Variants in PBX1 observed in about 807,000 individuals in gnomAD.
PBX1 encodes PBX homeobox 1.
PBX1 carries 6 observed loss-of-function variants against 53.4 expected under a neutral mutation model. The observed-to-expected ratio is 0.11, with a 90% CI of 0.06 to 0.22. The LOEUF (loss-of-function observed/expected upper bound fraction) is 0.22, where lower values mean the gene tolerates loss of function less well. Among genes scored for constraint, PBX1 ranks in the 10% least tolerant of loss-of-function variants. The pLI is 1.00. For missense variants in PBX1, 251 were observed against 551.4 expected (o/e 0.46, Z 5.46); for synonymous variants, 204 against 212.3 (o/e 0.96, Z 0.34).
At position 164,846,619 on chromosome 1, in the gene PBX1, A is replaced by C; in HGVS notation, c.1236A>C (p.Ser412=). Residue 412 remains serine, a synonymous_variant, in exon 9 of 9, where the codon TCA becomes TCC. Coordinates refer to ENST00000420696, the MANE Select transcript of PBX1 (RefSeq NM_002585.4). ...GTTGGCAGGATGCTACTACCCCTTC[A>C]TCAGTGACCTCCCCTACAGAAGGCC... The part of the protein sequence containing the change: ...NGGWQDATTP[S]SVTSPTEGPG... 6.2e-7 allele frequency: 1 copy of C among 1,613,946 alleles called. No homozygotes were observed.
rs1454124002 is a variant in PBX1, at chr1:164,847,125, A to G, written c.*449A>G. ...ACCTCACTCGAATCCCTCACTCCCT[A>G]TGTTAACAGGCAATCCTTCTCTGTT... On this transcript the variant is annotated 3_prime_UTR_variant, in exon 9 of 9. Coordinates refer to ENST00000420696, the MANE Select transcript of PBX1 (RefSeq NM_002585.4). The G allele has an allele frequency of 8.2e-6, 9 of 1,094,202 alleles. No individual in the cohort carries two copies. The highest frequency in any genetic ancestry group is 4.5e-5 in the Admixed American group (1 of 22,312). 67.8% of individuals were successfully genotyped at this position (1,094,202 alleles called of 1,614,324 possible). A position where few individuals can be genotyped will look rare whatever the true frequency, so the allele number is the denominator to read the frequency against.
intron 2 of PBX1, among the ~76,000 whole-genome samples, chr1:164,658,861 T>C (rs975569324): frequency 6.6e-6 from 1 of 152,224 alleles, no homozygotes; most frequent in East Asian, 1.9e-4. Context: ...AGGCTCTTAT[T>C]ATCCCCATTT....
intron 2 of PBX1, among the ~76,000 whole-genome samples, chr1:164,739,555 G>T (rs1033454531): frequency 5.9e-5 from 9 of 152,178 alleles, no homozygotes; most frequent in Non-Finnish European, 1.3e-4. Context: ...TACTTCAAAA[G>T]AAATGAGCAT....
intron 2 of PBX1, among the ~76,000 whole-genome samples, chr1:164,635,007 G>A (rs1250850781): frequency 5.7e-5 from 8 of 141,518 alleles, no homozygotes; most frequent in South Asian, 2.4e-4. Context: ...CTAAGGCTGC[G>A]AATATTCTGT....
chr1:164,702,816 T>C (rs189207060), intron 2 of PBX1, among the ~76,000 whole-genome samples: 45 of 152,286 alleles, frequency 3.0e-4, no homozygotes, highest in African/African-American at 1.0e-3. Flanking sequence ...TTCTTCTCGT[T>C]GACATTGTGT....
chr1:164,754,401 C>G (rs1666394397), intron 2 of PBX1, among the ~76,000 whole-genome samples: 1 of 152,234 alleles, frequency 6.6e-6, no homozygotes, highest in Non-Finnish European at 1.5e-5. Flanking sequence ...TACATCACAA[C>G]TCGCTTGTCT....
chr1:164,566,971 T>C (rs954473785), intron 2 of PBX1, among the ~76,000 whole-genome samples: 1 of 152,174 alleles, frequency 6.6e-6, no homozygotes, highest in Non-Finnish European at 1.5e-5. Context: ...TCTCTCTCTT[T>C]CCTTTTCTCT....
At chr1:164,872,802 A>G (rs1339815759) in intron 2 of PBX1, among the ~76,000 whole-genome samples, 3 of 152,160 alleles carry the variant, frequency 2.0e-5, no homozygotes, top group Non-Finnish European at 2.9e-5. Flanking sequence ...TCTAATTGCA[A>G]TACTTTTACA....
In PBX1 at chr1:164,881,378, AAGG is replaced by A. The variant is rs369384752; in HGVS notation, n.258-17808_258-17806del. Among the ~76,000 whole-genome samples the A allele has an allele frequency of 6.9e-4, 18 of 26,156 alleles. 2 individuals carry two copies. Among genetic ancestry groups the A allele is most frequent in the Admixed American group, 6.3e-4 (1 of 1,586 alleles). 17.2% of individuals were successfully genotyped at this position (26,156 alleles called of 152,430 possible). On this transcript the variant is annotated intron_variant and non_coding_transcript_variant, in intron 2 of 2. Coordinates refer to the PBX1 transcript ENST00000558796. ...GAAGGAAGGAGGAAAAGAAGGAAGG[AAGG>A]AAGGAAGGAAGGAAGGAGGAAAAGA...
At chr1:164,838,315 G>A (rs148262966) in intron 8 of PBX1, among the ~76,000 whole-genome samples, 117 of 152,264 alleles carry the variant, frequency 7.7e-4, no homozygotes, top group Non-Finnish European at 1.4e-3. Flanking sequence ...AGGTGGTGCC[G>A]CCCATGGTCA....
chr1:164,664,415 G>A (rs547330950), intron 2 of PBX1, among the ~76,000 whole-genome samples: 6 of 152,250 alleles, frequency 3.9e-5, no homozygotes, highest in South Asian at 4.2e-4. Context: ...GGGAAGCCCC[G>A]GTACATCCTT....
At chr1:164,793,872 C>CTTTTTT (rs72414989) in intron 3 of PBX1, among the ~76,000 whole-genome samples, 543 of 78,240 alleles carry the variant, frequency 6.9e-3, no homozygotes, top group Non-Finnish European at 9.6e-3. Context: ...TTTTTCCTTT[C>CTTTTTT]TTTTTTTTTT....
At chr1:164,714,350 T>G (rs1421135046) in intron 2 of PBX1, among the ~76,000 whole-genome samples, 1 of 152,226 alleles carries the variant, frequency 6.6e-6, no homozygotes, top group African/African-American at 2.4e-5. Context: ...TAAGCCCCCG[T>G]TTGTCACATC....
rs372045943 is a variant in PBX1 at position 164,745,504 on chromosome 1, A to C, written c.266-46990A>C. 5.9e-5 allele frequency among the ~76,000 whole-genome samples: 9 copies of C among 152,258 alleles called. No homozygotes were observed. The East Asian group carries it at 1.3e-3, about 23-fold the overall frequency. On this transcript the variant is annotated intron_variant, in intron 2 of 8. Coordinates refer to ENST00000420696, the MANE Select transcript of PBX1 (RefSeq NM_002585.4). Reference sequence around the variant, plus strand: ...GAGAACCACAAATGATGAACCTTTTAAACATCACCACTTGTCAACGCAGGA... The same window carrying C: ...GAGAACCACAAATGATGAACCTTTTCAACATCACCACTTGTCAACGCAGGA...
intron 2 of PBX1, chr1:164,651,850 T>G (rs983131791): frequency 2.6e-5 from 4 of 152,574 alleles, no homozygotes; most frequent in African/African-American, 9.7e-5. Context: ...TCTGGTTGAT[T>G]TATTTTCATG....
chr1:164,827,489 T>C (rs1050584702), intron 8 of PBX1, among the ~76,000 whole-genome samples: 3 of 152,138 alleles, frequency 2.0e-5, no homozygotes, highest in Non-Finnish European at 4.4e-5. Context: ...GACCAGACTG[T>C]ATAGTGTTTG....
intron 2 of PBX1, among the ~76,000 whole-genome samples, chr1:164,678,126 T>C (rs1403906746): frequency 1.3e-5 from 2 of 152,038 alleles, no homozygotes; most frequent in Non-Finnish European, 2.9e-5. Flanking sequence ...AGAGGAGATA[T>C]AGTGAAAGGG....
At chr1:164,621,398 T>C (rs1657670899) in intron 2 of PBX1, among the ~76,000 whole-genome samples, 1 of 152,212 alleles carries the variant, frequency 6.6e-6, no homozygotes, top group Non-Finnish European at 1.5e-5. Context: ...CAGAAACTAT[T>C]ATGAACATTT....
chr1:164,852,962 AGT>A (rs1671892598), downstream of PBX1, among the ~76,000 whole-genome samples: 1 of 152,192 alleles, frequency 6.6e-6, no homozygotes, highest in Admixed American at 6.5e-5. Flanking sequence ...TCACCCACCT[AGT>A]GTATTACTTA....
Sources: gnomAD v4.1 joint callset for allele counts (sites outside exome capture counted in the v4.1 genomes callset) on GRCh38, gnomAD v4.1.1 for gene constraint, MANE v1.5 for transcripts, NCBI Gene and HGNC (gene_info 2026-07-23, HGNC 2026-07-21) for gene names.